The following HK1 variants were observed in gnomAD, a reference collection of about 807,000 sequenced individuals.
HK1 encodes the protein hexokinase-1.
A neutral mutation model predicts 91.6 loss-of-function variants in HK1; 28 were observed. The ratio of observed to expected loss-of-function variants is 0.31; its 90% CI spans 0.23 to 0.42. HK1 has a LOEUF of 0.42. Ranked by LOEUF, HK1 falls within the 10% of genes least tolerant of loss-of-function variation. HK1 has a pLI of 1.00. For synonymous variants in HK1, 430 were observed against 468.1 expected, an observed-to-expected ratio of 0.92 and a Z score of 1.05; for missense variants, 770 against 1,219.8, an observed-to-expected ratio of 0.63 and a Z score of 5.49.
intron 1 of HK1, among the ~76,000 whole-genome samples, chr10:69,336,071 T>C (rs1847964406): frequency 6.6e-6 from 1 of 152,218 alleles, no homozygotes; most frequent in Non-Finnish European, 1.5e-5. Context: ...CTAAAGTCCT[T>C]GTACATAAAG....
Position 69,369,553 on chromosome 10 carries a change from A to T in HK1, c.804A>T (p.Gly268=), listed in dbSNP as rs752479808. The T allele has an allele frequency of 3.7e-5, 60 of 1,614,118 alleles. No homozygotes were observed. Among genetic ancestry groups the T allele is most frequent in the Non-Finnish European group, 4.7e-5 (56 of 1,180,060 alleles). Residue 268 remains glycine (G), a synonymous_variant, in exon 7 of 18, where the codon GGA becomes GGT. Transcript: ENST00000359426. The surrounding 1 kb of genome is among the most constrained non-coding windows in gnomAD (Gnocchi z 4.4). ...NTEWGAFGDD[G]SLEDIRTEFD... ...AATGGGGAGCCTTTGGAGACGATGG[A>T]TCATTAGAAGACATCCGGACAGAGT...
intron 16 of HK1, among the ~76,000 whole-genome samples, chr10:69,397,682 A>G (rs1460026499): frequency 6.6e-6 from 1 of 152,238 alleles, no homozygotes; most frequent in Non-Finnish European, 1.5e-5. Flanking sequence ...AAGGTAATGT[A>G]TGTAAAATAT....
rs868312100 is a variant in HK1 at position 69,386,554 on chromosome 10, C to T, written c.1935+136C>T. 6.8e-5 allele frequency: 42 copies of T among 618,108 alleles called. 1 individual carries two copies. The Middle Eastern group carries it at 3.7e-3, about 55-fold the overall frequency. The allele number at this position is 618,108 out of a possible 1,614,324, so 38.3% of individuals were successfully genotyped here. A position where few individuals can be genotyped will look rare whatever the true frequency, so the allele number is the denominator to read the frequency against. On this transcript the variant is annotated intron_variant, in intron 13 of 17. Transcript: ENST00000359426. ...ATCCCAGCACTTTGGGAGGCCGAGGCGGGTGGATCATGAGGTCAGGAGTTC... is the reference window on the plus strand; with the variant it reads ...ATCCCAGCACTTTGGGAGGCCGAGGTGGGTGGATCATGAGGTCAGGAGTTC...
intron 2 of HK1, among the ~76,000 whole-genome samples, chr10:69,356,589 T>C (rs1407385340): frequency 7.9e-5 from 12 of 151,562 alleles, no homozygotes; most frequent in Admixed American, 7.9e-4. Flanking sequence ...ACTCAACACA[T>C]AAAAGACAAA....
intron 1 of HK1, among the ~76,000 whole-genome samples, chr10:69,271,314 G>A (rs1844150710): frequency 6.6e-6 from 1 of 151,848 alleles, no homozygotes; most frequent in African/African-American, 2.4e-5. Flanking sequence ...TCAGAATAAT[G>A]TTTTTAAATG....
chr10:69,343,612 G>T (rs753975980), intron 1 of HK1, among the ~76,000 whole-genome samples: 3 of 152,154 alleles, frequency 2.0e-5, no homozygotes, highest in African/African-American at 7.2e-5. Context: ...TAGAGATATC[G>T]GGTTCATTTT....
intron 1 of HK1, among the ~76,000 whole-genome samples, chr10:69,328,539 GGGTGTGATTTCAGAC>G (rs1847511297): frequency 6.6e-6 from 1 of 152,226 alleles, no homozygotes; most frequent in Non-Finnish European, 1.5e-5. Context: ...CTTGTGAGGT[GGGTGTGATTTCAGAC>G]GGTGAGGCCC....
chr10:69,321,455 C>G (rs1847020919), intron 1 of HK1, among the ~76,000 whole-genome samples: 2 of 152,188 alleles, frequency 1.3e-5, no homozygotes, highest in Admixed American at 1.3e-4. Flanking sequence ...GGGCTGGACT[C>G]TGCCTGCCTC....
intron 3 of HK1, among the ~76,000 whole-genome samples, chr10:69,363,669 A>G (rs1302702731): frequency 1.3e-5 from 2 of 152,168 alleles, no homozygotes; most frequent in South Asian, 2.1e-4. Flanking sequence ...GTGAGCCACC[A>G]TGCCTGGCCC....
At chr10:69,283,813 A>AAAAG (rs1844887405) in intron 2 of HK1, among the ~76,000 whole-genome samples, 1 of 150,442 alleles carries the variant, frequency 6.6e-6, no homozygotes, top group Non-Finnish European at 1.5e-5. Flanking sequence ...AAAAAAAAAA[A>AAAAG]AAAAGAAAAG....
chr10:69,351,070 G>C (rs1241699349), intron 2 of HK1, among the ~76,000 whole-genome samples: 8 of 151,508 alleles, frequency 5.3e-5, no homozygotes, highest in Non-Finnish European at 1.2e-4. Context: ...AGCTACTTGG[G>C]AGGCTGAGGC....
At chr10:69,377,110 G>C (rs748457680) in intron 8 of HK1, 21 bp downstream of exon 8, 3 of 1,613,826 alleles carry the variant, frequency 1.9e-6, no homozygotes, top group Admixed American at 1.7e-5. Flanking sequence ...TCCCCTCAAG[G>C]CTTTCTTGGG....
chr10:69,276,082 C>A (rs1403601288), intron 1 of HK1, among the ~76,000 whole-genome samples: 1 of 67,448 alleles, frequency 1.5e-5, no homozygotes, highest in Non-Finnish European at 2.6e-5. Context: ...AAGAGCAAAA[C>A]TCCTTTTCAA....
chr10:69,342,716 T>TA (rs1848353569), intron 1 of HK1, among the ~76,000 whole-genome samples: 1 of 151,966 alleles, frequency 6.6e-6, no homozygotes, highest in South Asian at 2.1e-4. Context: ...GATAAACTGT[T>TA]ACAGTGGATC....
rs60324656 is a variant in HK1, at chr10:69,276,090, C to CAAAA, written c.-391+6008_-391+6011dup. Among the ~76,000 whole-genome samples, 136 of 15,938 alleles carry CAAAA rather than the reference C, an allele frequency of 8.5e-3. 21 individuals carry two copies. The highest frequency in any genetic ancestry group is 0.011 in the Non-Finnish European group (99 of 9,146). The allele number at this position is 15,938 out of a possible 152,430, so 10.5% of individuals were successfully genotyped here. A position where few individuals can be genotyped will look rare whatever the true frequency, so the allele number is the denominator to read the frequency against. ...GGGCAGCAAGAGCAAAACTCCTTTTCAAAAAAAAAAAAAAAAAAAAAAAAA... is the reference window on the plus strand; with the variant it reads ...GGGCAGCAAGAGCAAAACTCCTTTTCAAAAAAAAAAAAAAAAAAAAAAAAAAAAA... On this transcript the variant is annotated intron_variant, in intron 1 of 21. Coordinates refer to the HK1 transcript ENST00000360289.
intron 17 of HK1, among the ~76,000 whole-genome samples, 153 bp from the exon 18 acceptor site, chr10:69,400,838 C>T (rs142134643): frequency 2.0e-5 from 3 of 152,346 alleles, no homozygotes; most frequent in East Asian, 3.9e-4. Context: ...CTTTGACTTC[C>T]GATGCTTATG....
At chr10:69,303,884 A>G (rs7905515) in intron 5 of HK1, among the ~76,000 whole-genome samples, 3,199 of 152,326 alleles carry the variant, frequency 0.021, 110 homozygotes, top group African/African-American at 0.071. Flanking sequence ...TTTGGTGGGT[A>G]GGAAGCAGCC....
Position 69,394,987 on chromosome 10 carries a change from A to G in HK1, c.2257A>G (p.Ile753Val), listed in dbSNP as rs747061735. The G allele has an allele frequency of 1.9e-6, 3 of 1,614,000 alleles. No individual in the cohort carries two copies. Among genetic ancestry groups the G allele is most frequent in the East Asian group, 4.5e-5 (2 of 44,858 alleles). Residue 753 changes from isoleucine (I) to valine (V), a missense_variant, in exon 16 of 18, where the codon ATC (isoleucine) becomes GTC (valine). Around this residue, in one of 7 missense-constraint regions of HK1, gnomAD observed 152 missense variants for 211.1 expected, o/e 0.72. Transcript: ENST00000359426. ...GATCAGTGGTATGTACCTGGGTGAA[A>G]TCGTCCGCAACATCTTAATCGACTT... Reference protein sequence around the residue: ...KMISGMYLGEIVRNILIDFTK... With the variant: ...KMISGMYLGEVVRNILIDFTK...
chr10:69,351,043 CG>C (rs1209226322), intron 2 of HK1, among the ~76,000 whole-genome samples: 1 of 144,770 alleles, frequency 6.9e-6, no homozygotes, highest in Non-Finnish European at 1.5e-5. Context: ...GGCGTGGTGG[CG>C]GGCTCCTGTA....
Sources: gnomAD v4.1 joint callset for allele counts (sites outside exome capture counted in the v4.1 genomes callset) on GRCh38, gnomAD v4.1.1 for gene constraint, gnomAD v4.1.1 regional missense constraint, Gnocchi (gnomAD v3.1) non-coding constraint, MANE v1.5 for transcripts, NCBI Gene and HGNC (gene_info 2026-07-23, HGNC 2026-07-21) for gene names.